LARP1B: variants seen among roughly 807,000 people sequenced by gnomAD.
LARP1B encodes the protein la-related protein 1B.
LARP1B carries 76 observed loss-of-function variants against 114.2 expected under a neutral mutation model. The ratio of observed to expected loss-of-function variants is 0.67; its 90% CI spans 0.55 to 0.81. LARP1B has a LOEUF of 0.81. Among genes scored for constraint, LARP1B ranks in the 30% least tolerant of loss-of-function variants. The pLI is 0.00. For synonymous variants in LARP1B, 345 were observed against 348.0 expected (o/e 0.99, Z 0.10); for missense variants, 1,014 against 1,075.8 (o/e 0.94, Z 0.80).
chr4:128,199,302 T>C (rs1755201899), intron 15 of LARP1B, 137 bp from the exon 16 acceptor site: 2 of 501,258 alleles, frequency 4.0e-6, no homozygotes, highest in Non-Finnish European at 6.8e-6. Flanking sequence ...TGTATGTCAT[T>C]AATTTAGGAG....
chr4:128,135,651 A>C (rs1194671788), intron 11 of LARP1B, among the ~76,000 whole-genome samples: 1 of 152,216 alleles, frequency 6.6e-6, no homozygotes, highest in Non-Finnish European at 1.5e-5. Flanking sequence ...ATGCTAAGGG[A>C]AATATTCAGT....
intron 1 of LARP1B, among the ~76,000 whole-genome samples, chr4:128,065,558 A>C (rs988111528): frequency 6.6e-6 from 1 of 151,888 alleles, no homozygotes; most frequent in African/African-American, 2.4e-5. Flanking sequence ...GTCTATTTGC[A>C]GTTAAATAAC....
intron 13 of LARP1B, among the ~76,000 whole-genome samples, chr4:128,177,972 T>C (rs981128331): frequency 6.6e-6 from 1 of 150,924 alleles, no homozygotes; most frequent in Non-Finnish European, 1.5e-5. Flanking sequence ...CCACATACTA[T>C]TCAGCAATGA....
chr4:128,107,068 T>G (rs778371427), intron 8 of LARP1B, 71 bp from the exon 9 acceptor site: 34 of 1,309,276 alleles, frequency 2.6e-5, no homozygotes, highest in Non-Finnish European at 3.4e-5. Flanking sequence ...TTTCAAATTT[T>G]TAGGTTCTTA....
At chr4:128,183,209 A>G (rs1388556671) in intron 15 of LARP1B, among the ~76,000 whole-genome samples, 2 of 152,212 alleles carry the variant, frequency 1.3e-5, no homozygotes, top group Non-Finnish European at 1.5e-5. Context: ...TTCAGTGTAG[A>G]CAAAACAGCC....
At chr4:128,078,021 A>G (rs1032680847) in intron 4 of LARP1B, 59 bp downstream of exon 4, 1 of 1,129,348 alleles carries the variant, frequency 8.9e-7, no homozygotes, top group South Asian at 2.1e-5. Flanking sequence ...GTAATGAGGA[A>G]TTACATTTCA....
intron 15 of LARP1B, among the ~76,000 whole-genome samples, chr4:128,191,101 G>A (rs73848743): frequency 0.013 from 1,751 of 134,052 alleles, 34 homozygotes; most frequent in African/African-American, 0.041. Flanking sequence ...ACGTATTTCT[G>A]AGTTCCAGGA....
intron 10 of LARP1B, among the ~76,000 whole-genome samples, chr4:128,119,730 T>G (rs1787269476): frequency 6.6e-6 from 1 of 152,204 alleles, no homozygotes; most frequent in Non-Finnish European, 1.5e-5. Flanking sequence ...TGCTTTTGTT[T>G]ATTATCAATA....
At chr4:128,075,574 G>A (rs550660654) in intron 3 of LARP1B, among the ~76,000 whole-genome samples, 26 of 149,584 alleles carry the variant, frequency 1.7e-4, no homozygotes, top group African/African-American at 5.9e-4. Flanking sequence ...TTGAGATAGG[G>A]TCTCACTCCA....
chr4:128,202,795 A>G (rs114656141), intron 17 of LARP1B, among the ~76,000 whole-genome samples: 1 of 152,364 alleles, frequency 6.6e-6, no homozygotes, highest in Non-Finnish European at 1.5e-5. Context: ...CTTAGGAAGT[A>G]GTGGTTAAGC....
At chr4:128,108,894 T>G in intron 9 of LARP1B, 1 of 934,236 alleles carries the variant, frequency 1.1e-6, no homozygotes, top group Non-Finnish European at 1.3e-6. Flanking sequence ...ATTATAAGAA[T>G]AAAATCATAA....
At chr4:128,168,585 T>C (rs1174389633) in intron 12 of LARP1B, among the ~76,000 whole-genome samples, 2 of 152,104 alleles carry the variant, frequency 1.3e-5, no homozygotes, top group Non-Finnish European at 2.9e-5. Context: ...TCACGTCATG[T>C]GGCTTGTCTT....
chr4:128,190,463 AC>A (rs1208100553), intron 15 of LARP1B, among the ~76,000 whole-genome samples: 3 of 152,194 alleles, frequency 2.0e-5, no homozygotes, highest in Admixed American at 6.5e-5. Flanking sequence ...TTGTGTTCCC[AC>A]CCGTCTCATC....
intron 11 of LARP1B, among the ~76,000 whole-genome samples, chr4:128,128,141 A>C (rs1303681857): frequency 6.6e-6 from 1 of 152,224 alleles, no homozygotes; most frequent in Non-Finnish European, 1.5e-5. Flanking sequence ...CTTGAGTTAA[A>C]TTCATAAATT....
At chr4:128,123,370 C>T in intron 11 of LARP1B, 5 of 983,154 alleles carry the variant, frequency 5.1e-6, no homozygotes, top group Non-Finnish European at 6.0e-6. Flanking sequence ...ATTTGTAATA[C>T]TTAGGTTCGG....
chr4:128,161,929 A>G (rs1738697848), intron 11 of LARP1B, among the ~76,000 whole-genome samples: 1 of 152,182 alleles, frequency 6.6e-6, no homozygotes, highest in African/African-American at 2.4e-5. Context: ...GTAAATGCTC[A>G]ACAAATAATT....
intron 11 of LARP1B, among the ~76,000 whole-genome samples, chr4:128,129,212 G>A (rs1344799184): frequency 7.8e-5 from 10 of 128,634 alleles, no homozygotes; most frequent in Admixed American, 8.2e-5. Flanking sequence ...AAATTCAGCC[G>A]TGCGTGGTGG....
At chr4:128,122,787 T>A (rs1788428975) in intron 11 of LARP1B, 3 of 1,137,770 alleles carry the variant, frequency 2.6e-6, no homozygotes, top group Non-Finnish European at 3.2e-6. Context: ...TTTTTTAACT[T>A]CTTGCATTTC....
chr4:128,179,518 A>G lies in LARP1B; in HGVS notation c.2003+6A>G, dbSNP rs111435076. 4.7e-5 allele frequency: 72 copies of G among 1,529,554 alleles called. No homozygotes were observed. In the African/African-American group the frequency reaches 8.5e-4, roughly 18 times the overall value. The allele number at this position is 1,529,554 out of a possible 1,614,324, so 94.7% of individuals were successfully genotyped here. On this transcript the variant is annotated splice_donor_region_variant and intron_variant, in intron 15 of 19. Coordinates refer to ENST00000326639, the MANE Select transcript of LARP1B (RefSeq NM_018078.4). ...CCAGGAACATCCTCTGTCAGGTACT[A>G]TATTTCTCAAACATTACTTTTTTGT...
Sources: allele counts gnomAD v4.1 joint callset (sites outside exome capture counted in the v4.1 genomes callset), GRCh38; gene constraint gnomAD v4.1.1; transcripts MANE v1.5; gene names NCBI Gene and HGNC (gene_info 2026-07-23, HGNC 2026-07-21).